Variants in RAB3GAP1 observed in about 807,000 individuals in gnomAD.
The protein encoded by RAB3GAP1 is rab3 GTPase-activating protein catalytic subunit.
In RAB3GAP1, 86 loss-of-function variants were observed where a neutral mutation model predicts 130.7. The ratio of observed to expected loss-of-function variants is 0.66; its 90% confidence interval spans 0.55 to 0.79. The LOEUF (loss-of-function observed/expected upper bound fraction) is 0.79. Among genes scored for constraint, RAB3GAP1 ranks in the 30% least tolerant of loss-of-function variants. RAB3GAP1 has a pLI of 0.00. For synonymous variants in RAB3GAP1, 367 were observed against 401.7 expected, an observed-to-expected ratio of 0.91 and a Z score of 1.03; for missense variants, 1,029 against 1,169.4, an observed-to-expected ratio of 0.88 and a Z score of 1.75.
In RAB3GAP1 at chr2:135,075,383, A is replaced by G. The variant is rs141936934; in HGVS notation, c.151-15615A>G. Among the ~76,000 whole-genome samples the G allele has an allele frequency of 6.6e-5, 10 of 152,274 alleles. No individual in the cohort carries two copies. In the East Asian group the frequency reaches 1.9e-3, roughly 29 times the overall value. On this transcript the variant is annotated intron_variant, in intron 3 of 23. Coordinates refer to ENST00000264158, the MANE Select transcript of RAB3GAP1 (RefSeq NM_012233.3). Reference sequence around the variant, plus strand: ...TTTCAGAACAACTTTTAACAGTTCCATGTGTGCACATTATACCTTGAAAAA... The same window carrying G: ...TTTCAGAACAACTTTTAACAGTTCCGTGTGTGCACATTATACCTTGAAAAA...
chr2:135,101,588 T>C (rs1433669175), intron 5 of RAB3GAP1, among the ~76,000 whole-genome samples: 1 of 152,226 alleles, frequency 6.6e-6, no homozygotes, highest in Non-Finnish European at 1.5e-5. Context: ...TATTTTAAGA[T>C]CTTCTCGTTT....
intron 3 of RAB3GAP1, among the ~76,000 whole-genome samples, chr2:135,062,004 A>G (rs1424916567): frequency 1.3e-5 from 2 of 151,916 alleles, no homozygotes; most frequent in African/African-American, 4.8e-5. Context: ...CTATTTGACT[A>G]TCCTTATGTC....
intron 15 of RAB3GAP1, among the ~76,000 whole-genome samples, chr2:135,134,853 G>A (rs1691636821): frequency 6.6e-6 from 1 of 152,088 alleles, no homozygotes; most frequent in Non-Finnish European, 1.5e-5. Flanking sequence ...AAATACAGGT[G>A]GAGATCTTGG....
At position 135,150,350 on chromosome 2, in the gene RAB3GAP1, G is replaced by A. The variant is rs765102780; in HGVS notation, c.1924-19G>A. ...CTAAAAAGGGCTGTTTATGAGCCTT[G>A]TCCTTTTGTGCTTCACAGGAACCAG... On this transcript the variant is annotated intron_variant, in intron 17 of 23. Transcript: ENST00000264158. 6.2e-7 allele frequency: 1 copy of A among 1,614,070 alleles called. No homozygotes were observed. Among genetic ancestry groups the A allele is most frequent in the African/African-American group, 1.3e-5 (1 of 74,994 alleles).
intron 8 of RAB3GAP1, among the ~76,000 whole-genome samples, chr2:135,122,290 G>A (rs915885217): frequency 3.7e-4 from 56 of 152,092 alleles, no homozygotes; most frequent in African/African-American, 1.3e-3. Flanking sequence ...TGTTTGTGTT[G>A]GTAGTTTTAG....
intron 3 of RAB3GAP1, among the ~76,000 whole-genome samples, chr2:135,087,502 A>G (rs983331182): frequency 2.0e-5 from 3 of 152,208 alleles, no homozygotes; most frequent in Non-Finnish European, 4.4e-5. Context: ...ACAGTGTTTT[A>G]TCTTTCAATC....
At chr2:135,130,403 A>AC (rs1691497530) in intron 12 of RAB3GAP1, 149 bp from the exon 13 acceptor site, 2 of 711,176 alleles carry the variant, frequency 2.8e-6, no homozygotes, top group African/African-American at 1.8e-5. Flanking sequence ...ATAAAGCTGA[A>AC]CATGTATATT....
intron 4 of RAB3GAP1, 115 bp downstream of exon 4, chr2:135,091,245 A>G (rs1406975574): frequency 3.0e-6 from 3 of 999,926 alleles, no homozygotes; most frequent in African/African-American, 3.3e-5. Flanking sequence ...TGTTTTACAT[A>G]AGCAAAGTTG....
chr2:135,118,243 C>T (rs1202316779), intron 7 of RAB3GAP1, among the ~76,000 whole-genome samples: 1 of 152,040 alleles, frequency 6.6e-6, no homozygotes, highest in Non-Finnish European at 1.5e-5. Context: ...ATCTGTGGAA[C>T]CCAACTTACA....
chr2:135,167,699 G>C, intron 23 of RAB3GAP1: 1 of 1,494,038 alleles, frequency 6.7e-7, no homozygotes, highest in East Asian at 2.5e-5. Context: ...CAAGCTGACT[G>C]AATCTTCTGA....
At chr2:135,173,454 C>A (rs922478036), downstream of RAB3GAP1, among the ~76,000 whole-genome samples, 1 of 152,036 alleles carries the variant, frequency 6.6e-6, no homozygotes, top group Admixed American at 6.6e-5. Flanking sequence ...GGGAATTGAT[C>A]AATTGTGTCA....
Position 135,135,939 on chromosome 2 carries a change from T to C in RAB3GAP1, c.1923+7T>C, listed in dbSNP as rs1217344198. 1.2e-6 allele frequency: 2 copies of C among 1,613,012 alleles called. No individual in the cohort carries two copies. The highest frequency in any genetic ancestry group is 2.7e-5 in the African/African-American group (2 of 74,908). On this transcript the variant is annotated splice_region_variant and intron_variant, in intron 17 of 23. Transcript: ENST00000264158. ...CTACATTCCAGTAACCCAGGTAGGA[T>C]GCACTAGTTCTTTCCATTTTAATTT... is the stretch of plus-strand genomic sequence containing the variant.
intron 11 of RAB3GAP1, among the ~76,000 whole-genome samples, chr2:135,128,344 A>G (rs1039667724): frequency 2.4e-4 from 36 of 152,208 alleles, no homozygotes; most frequent in African/African-American, 7.7e-4. Flanking sequence ...CAGAGTCCTC[A>G]TAAATAAAAT....
Position 135,170,173 on chromosome 2 carries a change from G to C in RAB3GAP1, c.*1392G>C, listed in dbSNP as rs1481231157. On this transcript the variant is annotated 3_prime_UTR_variant, in exon 24 of 24. Transcript: ENST00000264158. The stretch of plus-strand genomic sequence containing the variant: ...CCTGAGGCCAGTGCTGTACCAAGTA[G>C]AAGACGGTTCCTAAGGACAGAGTTT... The C allele has an allele frequency of 6.6e-6, 1 of 151,810 alleles. No individual in the cohort carries two copies. Among genetic ancestry groups the C allele is most frequent in the East Asian group, 2.0e-4 (1 of 5,074 alleles). The allele number at this position is 151,810 out of a possible 1,614,324, so 9.4% of individuals were successfully genotyped here.
chr2:135,147,084 G>A (rs187432488), intron 17 of RAB3GAP1, among the ~76,000 whole-genome samples: 27 of 152,152 alleles, frequency 1.8e-4, no homozygotes, highest in African/African-American at 6.0e-4. Context: ...GGTCGCTCAC[G>A]CCTGTAATCC....
At position 135,169,672 on chromosome 2, in the gene RAB3GAP1, A is replaced by G. The variant is rs1414430627; in HGVS notation, c.*891A>G. The G allele has an allele frequency of 1.8e-5, 8 of 452,102 alleles. No individual in the cohort carries two copies. Among genetic ancestry groups the G allele is most frequent in the Admixed American group, 1.4e-4 (6 of 42,234 alleles). 28.0% of individuals were successfully genotyped at this position (452,102 alleles called of 1,614,324 possible). On this transcript the variant is annotated 3_prime_UTR_variant, in exon 24 of 24. Coordinates refer to ENST00000264158, the MANE Select transcript of RAB3GAP1 (RefSeq NM_012233.3). ...TGTCATGCAGATAGTATAATTTGGT[A>G]TATGTGCTAATGCATTGAGTAGAGG...
intron 3 of RAB3GAP1, among the ~76,000 whole-genome samples, chr2:135,068,450 T>C (rs1375156171): frequency 6.6e-6 from 1 of 151,756 alleles, no homozygotes; most frequent in Non-Finnish European, 1.5e-5. Context: ...TATAAAAATT[T>C]TTCTTAAAAA....
intron 3 of RAB3GAP1, among the ~76,000 whole-genome samples, chr2:135,081,868 C>T (rs1407596338): frequency 6.6e-6 from 1 of 152,074 alleles, no homozygotes; most frequent in African/African-American, 2.4e-5. Flanking sequence ...GGGCTGGGTG[C>T]AGTGGCTCAC....
intron 11 of RAB3GAP1, 131 bp downstream of exon 11, chr2:135,126,787 A>G (rs1056548234): frequency 1.6e-5 from 12 of 773,816 alleles, no homozygotes; most frequent in African/African-American, 3.4e-5. Flanking sequence ...ATCATTGCCA[A>G]TAGCAGTGAA....
Sources: gnomAD v4.1 joint callset for allele counts (sites outside exome capture counted in the v4.1 genomes callset) on GRCh38, gnomAD v4.1.1 for gene constraint, MANE v1.5 for transcripts, NCBI Gene and HGNC (gene_info 2026-07-23, HGNC 2026-07-21) for gene names.